The following ITPR3 variants were observed in gnomAD, a reference collection of about 807,000 sequenced individuals.
The protein encoded by ITPR3 is inositol 1,4,5-trisphosphate-gated calcium channel ITPR3.
Under a neutral mutation model 293.2 loss-of-function variants are expected in ITPR3, and 173 were observed. The observed-to-expected ratio is 0.59, with a 90% CI of 0.52 to 0.67. The LOEUF is 0.67. Among genes scored for constraint, ITPR3 ranks in the 30% least tolerant of loss-of-function variants. The pLI is 0.00. For missense variants in ITPR3, 2,796 were observed against 3,592.1 expected (o/e 0.78, Z 5.66); for synonymous variants, 1,295 against 1,444.4 (o/e 0.90, Z 2.35).
At chr6:33,674,124 G>A in intron 23 of ITPR3, 84 bp from the exon 24 acceptor site, 1 of 1,504,956 alleles carries the variant, frequency 6.6e-7, no homozygotes, top group Non-Finnish European at 9.2e-7. Flanking sequence ...GTGCAGGGAA[G>A]AGGGTGGTTT....
At chr6:33,652,579 C>T (rs1764216102) in intron 2 of ITPR3, among the ~76,000 whole-genome samples, 1 of 151,904 alleles carries the variant, frequency 6.6e-6, no homozygotes, top group Non-Finnish European at 1.5e-5. Flanking sequence ...GATTCTCCTG[C>T]CTCAGCCTCC....
Position 33,658,855 on chromosome 6 carries a change from G to A in ITPR3, c.528+27G>A, listed in dbSNP as rs760943768. 6.2e-7 allele frequency: 1 copy of A among 1,612,854 alleles called. No individual in the cohort carries two copies. The highest frequency in any genetic ancestry group is 8.5e-7 in the Non-Finnish European group (1 of 1,179,210). ...TGAGGGCAGGGCCAGGGTTGGAGGG[G>A]CCTGGTGGAACTCCCGAGGGGCTTC... is the stretch of plus-strand genomic sequence containing the variant. On this transcript the variant is annotated intron_variant, in intron 5 of 57. Transcript: ENST00000605930. This position sits in a 1 kb window ranked among gnomAD's most constrained non-coding sequence, Gnocchi z 6.1.
Position 33,664,214 on chromosome 6 carries a change from C to T in ITPR3, c.1148+334C>T, listed in dbSNP as rs955950414. Among the ~76,000 whole-genome samples, 16 of 152,300 alleles carry T rather than the reference C, an allele frequency of 1.1e-4. No homozygotes were observed. Among genetic ancestry groups the T allele is most frequent in the African/African-American group, 1.9e-4 (8 of 41,560 alleles). On this transcript the variant is annotated intron_variant, in intron 11 of 57. Coordinates refer to ENST00000605930, the MANE Select transcript of ITPR3 (RefSeq NM_002224.4). The surrounding 1 kb of genome is among the most constrained non-coding windows in gnomAD (Gnocchi z 4.4). Reference sequence around the variant, plus strand: ...CTGGCCTTTGAGGTCCCGCCAACCCCGAGATTCTAGGACGGAACATCAAGA... The same window carrying T: ...CTGGCCTTTGAGGTCCCGCCAACCCTGAGATTCTAGGACGGAACATCAAGA...
Position 33,679,048 on chromosome 6 carries a change from C to A in ITPR3, c.3972+209C>A, listed in dbSNP as rs2127297069. Among the ~76,000 whole-genome samples, 1 of 152,274 alleles carries A rather than the reference C, an allele frequency of 6.6e-6. No individual in the cohort carries two copies. The highest frequency in any genetic ancestry group is 3.4e-3 in the Middle Eastern group (1 of 294). On this transcript the variant is annotated intron_variant, in intron 30 of 57. Transcript: ENST00000605930. The surrounding 1 kb of genome is among the most constrained non-coding windows in gnomAD (Gnocchi z 4.2). The stretch of plus-strand genomic sequence containing the variant: ...GGGCCTGATAGAACTCAAGCAGGGT[C>A]CCAGTAGCATCAGGCACCTAGCAGA...
Position 33,672,022 on chromosome 6 carries a change from T to C in ITPR3, c.2729-7T>C. ...CTTGGCAACCTCCTCTGCTTCCCCC[T>C]CCACAGGCAAGAATGTGCGGCGGTC... On this transcript the variant is annotated splice_polypyrimidine_tract_variant and splice_region_variant and intron_variant, in intron 21 of 57. Transcript: ENST00000605930. The surrounding 1 kb of genome is among the most constrained non-coding windows in gnomAD (Gnocchi z 5.0). The C allele has an allele frequency of 6.3e-7, 1 of 1,592,378 alleles. No individual in the cohort carries two copies. Among genetic ancestry groups the C allele is most frequent in the Non-Finnish European group, 8.6e-7 (1 of 1,167,478 alleles).
At position 33,665,939 on chromosome 6, in the gene ITPR3, G is replaced by T. The variant is rs764206591; in HGVS notation, c.1514G>T (p.Arg505Leu). The T allele has an allele frequency of 2.5e-6, 4 of 1,613,628 alleles. No homozygotes were observed. Among genetic ancestry groups the T allele is most frequent in the Non-Finnish European group, 3.4e-6 (4 of 1,179,820 alleles). Residue 505 changes from arginine to leucine, a missense_variant, in exon 14 of 58, where the codon CGG (arginine) becomes CTG (leucine). This residue lies in a region of ITPR3 where 955 missense variants were observed against 1,180.8 expected (regional missense o/e 0.81). Coordinates refer to ENST00000605930, the MANE Select transcript of ITPR3 (RefSeq NM_002224.4). ...ATGGTCACTAAGCCCAACCGGGAAC[G>T]GCAGAAGCTGATGAGGGAGCAGAAC... Reference protein sequence around the residue: ...DIMVTKPNRERQKLMREQNIL... With the variant: ...DIMVTKPNRELQKLMREQNIL...
chr6:33,641,436 C>T (rs569834914), intron 2 of ITPR3, among the ~76,000 whole-genome samples: 15 of 152,212 alleles, frequency 9.9e-5, no homozygotes, highest in Admixed American at 2.0e-4. Context: ...TAAGACAATC[C>T]GGCGGCATCC....
chr6:33,637,655 G>A (rs984664814), intron 1 of ITPR3, among the ~76,000 whole-genome samples: 9 of 149,260 alleles, frequency 6.0e-5, no homozygotes, highest in African/African-American at 2.2e-4. Context: ...TTTAGACGGA[G>A]TTTTGCTCTG....
At chr6:33,693,811 CT>C in intron 56 of ITPR3, 106 bp downstream of exon 56, 1 of 1,344,504 alleles carries the variant, frequency 7.4e-7, no homozygotes, top group Non-Finnish European at 1.0e-6. Context: ...ACCCTGGGCC[CT>C]GGAGAGGAGT....
At position 33,670,868 on chromosome 6, in the gene ITPR3, C is replaced by A; in HGVS notation, c.2586+53C>A. ...GGGTCCGTGGAGCTCTTGTTGGCCCCACACTGGCCTCGGTCTTCACCCAGG... is the reference window on the plus strand; with the variant it reads ...GGGTCCGTGGAGCTCTTGTTGGCCCAACACTGGCCTCGGTCTTCACCCAGG... On this transcript the variant is annotated intron_variant, in intron 20 of 57. Transcript: ENST00000605930. This position sits in a 1 kb window ranked among gnomAD's most constrained non-coding sequence, Gnocchi z 6.7. 6.3e-7 allele frequency: 1 copy of A among 1,592,526 alleles called. No individual in the cohort carries two copies. The highest frequency in any genetic ancestry group is 1.1e-5 in the South Asian group (1 of 89,290).
Position 33,657,985 on chromosome 6 carries a change from TG to T in ITPR3, c.340del (p.Asp114MetfsTer3), listed in dbSNP as rs1196198311. On this transcript the variant is annotated frameshift_variant, in exon 4 of 58. Coordinates refer to ENST00000605930, the MANE Select transcript of ITPR3 (RefSeq NM_002224.4). LOFTEE classifies it high-confidence loss of function. ...QNDTENKKVH[G>X]DVVKYGSVIQ... Reference sequence around the variant, plus strand: ...ATGACACGGAGAACAAGAAGGTGCATGGGGATGTCGTGAAGTATGGCAGTGT... The same window carrying T: ...ATGACACGGAGAACAAGAAGGTGCATGGGATGTCGTGAAGTATGGCAGTGT... 1 of 1,613,740 alleles carries T rather than the reference TG, an allele frequency of 6.2e-7. No individual in the cohort carries two copies.
In ITPR3 at chr6:33,658,017, A is replaced by C; in HGVS notation, c.368A>C (p.Gln123Pro). ...GTCGTGAAGTATGGCAGTGTGATCC[A>C]GGTGAGGCTGGCCTGCCTCTCTCCC... is the stretch of plus-strand genomic sequence containing the variant. ...GDVVKYGSVIQLLHMKSNKYL... is the reference protein window; with the variant it reads ...GDVVKYGSVIPLLHMKSNKYL... Residue 123 changes from glutamine (Q) to proline (P), a missense_variant and splice_region_variant, in exon 4 of 58, where the codon CAG (glutamine) becomes CCG (proline). Gln to Pro is a moderately conservative substitution (Grantham distance 76). Transcript: ENST00000605930. This position sits in a 1 kb window ranked among gnomAD's most constrained non-coding sequence, Gnocchi z 6.1. The C allele has an allele frequency of 6.2e-7, 1 of 1,611,788 alleles. No homozygotes were observed. The highest frequency in any genetic ancestry group is 8.5e-7 in the Non-Finnish European group (1 of 1,178,858).
intron 56 of ITPR3, among the ~76,000 whole-genome samples, chr6:33,694,112 G>A (rs1435995728): frequency 6.6e-6 from 1 of 152,182 alleles, no homozygotes; most frequent in African/African-American, 2.4e-5. Context: ...TCTGTGGGCC[G>A]CTCTCAGGGA....
rs3831080 is a variant in ITPR3, at chr6:33,657,815, CTGTG to C, written c.283-101_283-98del. ...CAAGGGGTCCTGGAGTCCAGGGTGA[CTGTG>C]TGTGTGTGTGTGTGTTTGTGTGCAT... On this transcript the variant is annotated intron_variant, in intron 3 of 57. Transcript: ENST00000605930. 2,364 of 705,520 alleles carry C rather than the reference CTGTG, an allele frequency of 3.4e-3. 12 individuals are homozygous for C. Among genetic ancestry groups the C allele is most frequent in the African/African-American group, 0.018 (837 of 47,530 alleles). 43.7% of individuals were successfully genotyped at this position (705,520 alleles called of 1,614,324 possible).
At chr6:33,663,930 G>A in intron 11 of ITPR3, 50 bp downstream of exon 11, 1 of 1,604,356 alleles carries the variant, frequency 6.2e-7, no homozygotes, top group South Asian at 1.1e-5. Flanking sequence ...CTCAGGGTGG[G>A]CCCTCCTGTC....
rs1764605817 is a variant in ITPR3 at position 33,666,192 on chromosome 6, A to C, written c.1551+216A>C. 6.6e-6 allele frequency among the ~76,000 whole-genome samples: 1 copy of C among 152,218 alleles called. No individual in the cohort carries two copies. Among genetic ancestry groups the C allele is most frequent in the Non-Finnish European group, 1.5e-5 (1 of 68,034 alleles). ...TTCTTACCCCGTTTTACTGGTGAGGAAGCTGAAACACAGGCCAGAGTCGCT... is the reference window on the plus strand; with the variant it reads ...TTCTTACCCCGTTTTACTGGTGAGGCAGCTGAAACACAGGCCAGAGTCGCT... On this transcript the variant is annotated intron_variant, in intron 14 of 57. Transcript: ENST00000605930. The surrounding 1 kb of genome is among the most constrained non-coding windows in gnomAD (Gnocchi z 5.1).
chr6:33,667,545 C>A lies in ITPR3; in HGVS notation c.1714-247C>A, dbSNP rs1441455713. 6.6e-6 allele frequency among the ~76,000 whole-genome samples: 1 copy of A among 152,198 alleles called. No individual in the cohort carries two copies. The highest frequency in any genetic ancestry group is 2.4e-5 in the African/African-American group (1 of 41,436). ...CACTGGGCCCTACAAGTTATGTAGC[C>A]AATCCTTCCACACAAACAAGGTCCC... On this transcript the variant is annotated intron_variant, in intron 15 of 57. Transcript: ENST00000605930. The surrounding 1 kb of genome is among the most constrained non-coding windows in gnomAD (Gnocchi z 4.4).
rs1319519302 is a variant in ITPR3 at position 33,691,440 on chromosome 6, A to G, written c.7226-175A>G. On this transcript the variant is annotated intron_variant, in intron 52 of 57. Coordinates refer to ENST00000605930, the MANE Select transcript of ITPR3 (RefSeq NM_002224.4). This position sits in a 1 kb window ranked among gnomAD's most constrained non-coding sequence, Gnocchi z 4.9. ...GGTACAGAGACCCCTCCCTGCCCTT[A>G]GTGTGCAACCCAGTCGGGGGCAGAA... is the stretch of plus-strand genomic sequence containing the variant. Among the ~76,000 whole-genome samples, 1 of 152,090 alleles carries G rather than the reference A, an allele frequency of 6.6e-6. No homozygotes were observed. The highest frequency in any genetic ancestry group is 1.5e-5 in the Non-Finnish European group (1 of 68,008).
At position 33,683,595 on chromosome 6, in the gene ITPR3, C is replaced by T. The variant is rs1373631213; in HGVS notation, c.4788+198C>T. ...AGCAAGGGACTGGGGAACCTCCTTC[C>T]AGAGGAAGCCTGGAGAACCCAGAGG... On this transcript the variant is annotated intron_variant, in intron 35 of 57. Coordinates refer to ENST00000605930, the MANE Select transcript of ITPR3 (RefSeq NM_002224.4). The surrounding 1 kb of genome is among the most constrained non-coding windows in gnomAD (Gnocchi z 4.5). 6.6e-6 allele frequency among the ~76,000 whole-genome samples: 1 copy of T among 152,174 alleles called. No homozygotes were observed. Among genetic ancestry groups the T allele is most frequent in the Non-Finnish European group, 1.5e-5 (1 of 68,018 alleles).
Sources: allele counts gnomAD v4.1 joint callset (sites outside exome capture counted in the v4.1 genomes callset), GRCh38; gene constraint gnomAD v4.1.1; regional missense constraint gnomAD v4.1.1; non-coding constraint Gnocchi (gnomAD v3.1); transcripts MANE v1.5; gene names NCBI Gene and HGNC (gene_info 2026-07-23, HGNC 2026-07-21).